KIRREL3: variants seen among roughly 807,000 people sequenced by gnomAD.
KIRREL3 encodes the protein kirre like nephrin family adhesion molecule 3, also known as kin of IRRE-like protein 3.
KIRREL3 carries 36 observed loss-of-function variants against 89.7 expected under a neutral mutation model. That is an observed-to-expected ratio of 0.40 (90% CI 0.31 to 0.53). The LOEUF (loss-of-function observed/expected upper bound fraction) is 0.53, where lower values mean the gene tolerates loss of function less well. Among genes scored for constraint, KIRREL3 ranks in the 20% least tolerant of loss-of-function variants. The probability of loss-of-function intolerance (pLI) is 0.49; values close to 1 mark genes in which losing one functional copy is unlikely to be tolerated. For synonymous variants in KIRREL3, 445 were observed against 441.4 expected (o/e 1.01, Z -0.10); for missense variants, 864 against 1,056.6 (o/e 0.82, Z 2.53).
At position 126,492,376 on chromosome 11, in the gene KIRREL3, C is replaced by A. The variant is rs1308764425; in HGVS notation, c.434-18910G>T. On this transcript the variant is annotated intron_variant, in intron 4 of 16. Transcript: ENST00000525144. This position sits in a 1 kb window ranked among gnomAD's most constrained non-coding sequence, Gnocchi z 4.8. ...ATGACCCTAAGGCAGGGGGATGGAC[C>A]TGGTGGCTCTGCAAAGCCCCTCTCA... Among the ~76,000 whole-genome samples, 1 of 152,144 alleles carries A rather than the reference C, an allele frequency of 6.6e-6. No homozygotes were observed. Among genetic ancestry groups the A allele is most frequent in the African/African-American group, 2.4e-5 (1 of 41,446 alleles).
rs1354942195 is a variant in KIRREL3, at chr11:126,996,595, C to T, written c.55+3860G>A. On this transcript the variant is annotated intron_variant, in intron 1 of 16. Transcript: ENST00000525144. This position sits in a 1 kb window ranked among gnomAD's most constrained non-coding sequence, Gnocchi z 4.7. ...GCTCCCTCTGTTCACTCTATTTTAC[C>T]CTTCTGTCTACGAGATGCCTTTCTA... Among the ~76,000 whole-genome samples the T allele has an allele frequency of 6.6e-6, 1 of 152,108 alleles. No homozygotes were observed. Among genetic ancestry groups the T allele is most frequent in the Non-Finnish European group, 1.5e-5 (1 of 68,034 alleles).
In KIRREL3 at chr11:126,844,913, G is replaced by A. The variant is rs1019959011; in HGVS notation, c.55+155542C>T. On this transcript the variant is annotated intron_variant, in intron 1 of 16. Coordinates refer to ENST00000525144, the MANE Select transcript of KIRREL3 (RefSeq NM_032531.4). This position sits in a 1 kb window ranked among gnomAD's most constrained non-coding sequence, Gnocchi z 4.8. ...GCAGCCACCTGAAATTGTCAGTGTTGTTGCAATGGTGGGTCTTACTCTGGC... is the reference window on the plus strand; with the variant it reads ...GCAGCCACCTGAAATTGTCAGTGTTATTGCAATGGTGGGTCTTACTCTGGC... Among the ~76,000 whole-genome samples the A allele has an allele frequency of 6.6e-6, 1 of 152,128 alleles. No homozygotes were observed. The highest frequency in any genetic ancestry group is 2.4e-5 in the African/African-American group (1 of 41,438).
Position 126,807,517 on chromosome 11 carries a change from A to G in KIRREL3, c.55+192938T>C, listed in dbSNP as rs1951240925. Among the ~76,000 whole-genome samples the G allele has an allele frequency of 6.6e-6, 1 of 152,180 alleles. No homozygotes were observed. The highest frequency in any genetic ancestry group is 3.2e-3 in the Middle Eastern group (1 of 316). The stretch of plus-strand genomic sequence containing the variant: ...ATATAAAAATATAAAAAGTCACCCC[A>G]AATCTCCCAGTGATATGTGCACCAC... On this transcript the variant is annotated intron_variant, in intron 1 of 16. Coordinates refer to ENST00000525144, the MANE Select transcript of KIRREL3 (RefSeq NM_032531.4). This position sits in a 1 kb window ranked among gnomAD's most constrained non-coding sequence, Gnocchi z 4.3.
In KIRREL3 at chr11:126,609,595, G is replaced by A. The variant is rs1049671205; in HGVS notation, c.56-46683C>T. On this transcript the variant is annotated intron_variant, in intron 1 of 16. Transcript: ENST00000525144. The surrounding 1 kb of genome is among the most constrained non-coding windows in gnomAD (Gnocchi z 5.0). ...TGCACTAAGCTCAGCTCCTTTCTGG[G>A]GGGACCTCCGATGCATGCTCACTTG... Among the ~76,000 whole-genome samples, 2 of 152,120 alleles carry A rather than the reference G, an allele frequency of 1.3e-5. No homozygotes were observed. The highest frequency in any genetic ancestry group is 2.9e-5 in the Non-Finnish European group (2 of 68,032).
At chr11:126,467,123 C>G (rs550944526) in intron 5 of KIRREL3, among the ~76,000 whole-genome samples, 6 of 152,350 alleles carry the variant, frequency 3.9e-5, no homozygotes, top group South Asian at 2.1e-4. Context: ...TGGGTATGTG[C>G]GCGTACCTGT....
chr11:126,448,984 G>T, intron 8 of KIRREL3, 25 bp downstream of exon 8: 1 of 1,579,920 alleles, frequency 6.3e-7, no homozygotes, highest in Non-Finnish European at 8.6e-7. Context: ...TGCTCGCCTG[G>T]GGAAGCCTGC....
chr11:126,878,190 A>C (rs1156822037), intron 1 of KIRREL3, among the ~76,000 whole-genome samples: 1 of 152,216 alleles, frequency 6.6e-6, no homozygotes. Context: ...TGAACATCCC[A>C]TAAGCACATC....
At chr11:126,914,987 C>G (rs1315768286) in intron 1 of KIRREL3, among the ~76,000 whole-genome samples, 1 of 152,192 alleles carries the variant, frequency 6.6e-6, no homozygotes, top group Non-Finnish European at 1.5e-5. Flanking sequence ...TGGACACCCC[C>G]CTAAGACTCT....
At chr11:126,887,427 T>C (rs1441111301) in intron 1 of KIRREL3, among the ~76,000 whole-genome samples, 2 of 152,090 alleles carry the variant, frequency 1.3e-5, no homozygotes, top group African/African-American at 4.8e-5. Context: ...CAAGGAGAAT[T>C]CTCCCCGCTG....
In KIRREL3 at chr11:126,668,733, CTT is replaced by C. The variant is rs1565634697; in HGVS notation, c.56-105823_56-105822del. Among the ~76,000 whole-genome samples, 3 of 107,212 alleles carry C rather than the reference CTT, an allele frequency of 2.8e-5. No individual in the cohort carries two copies. The highest frequency in any genetic ancestry group is 6.3e-5 in the Non-Finnish European group (3 of 47,478). The allele number at this position is 107,212 out of a possible 152,430, so 70.3% of individuals were successfully genotyped here. On this transcript the variant is annotated intron_variant, in intron 1 of 16. Transcript: ENST00000525144. This position sits in a 1 kb window ranked among gnomAD's most constrained non-coding sequence, Gnocchi z 4.4. ...TCTTTCTTTCTTTCTTTCTTTCTTT[CTT>C]TCTTTCTTTCTTTCTTTCTTTTTTC...
At chr11:126,701,291 A>AT (rs1472496940) in intron 1 of KIRREL3, among the ~76,000 whole-genome samples, 1 of 152,176 alleles carries the variant, frequency 6.6e-6, no homozygotes, top group Non-Finnish European at 1.5e-5. Flanking sequence ...TGGTCTTTGC[A>AT]TCCATCTCTT....
At chr11:126,849,275 C>T (rs1944255505) in intron 1 of KIRREL3, among the ~76,000 whole-genome samples, 1 of 41,650 alleles carries the variant, frequency 2.4e-5, no homozygotes, top group Admixed American at 2.9e-4. Flanking sequence ...AGGAAGTTAC[C>T]CTATACAGTC....
In KIRREL3 at chr11:126,496,408, C is replaced by T. The variant is rs1398398848; in HGVS notation, c.434-22942G>A. ...AGGCTAAGTGATTTGGACAAGGGTACACAGCTGAAAAATGAAAGGGCCAGT... is the reference window on the plus strand; with the variant it reads ...AGGCTAAGTGATTTGGACAAGGGTATACAGCTGAAAAATGAAAGGGCCAGT... On this transcript the variant is annotated intron_variant, in intron 4 of 16. Coordinates refer to ENST00000525144, the MANE Select transcript of KIRREL3 (RefSeq NM_032531.4). This position sits in a 1 kb window ranked among gnomAD's most constrained non-coding sequence, Gnocchi z 4.9. 6.6e-6 allele frequency among the ~76,000 whole-genome samples: 1 copy of T among 152,074 alleles called. No individual in the cohort carries two copies. The highest frequency in any genetic ancestry group is 1.5e-5 in the Non-Finnish European group (1 of 68,026).
At chr11:126,874,307 C>T (rs1349401392) in intron 1 of KIRREL3, among the ~76,000 whole-genome samples, 1 of 152,158 alleles carries the variant, frequency 6.6e-6, no homozygotes, top group African/African-American at 2.4e-5. Context: ...TATTTCAGCT[C>T]TCCAACCATG....
rs1412110678 is a variant in KIRREL3, at chr11:126,904,163, T to C, written c.55+96292A>G. On this transcript the variant is annotated intron_variant, in intron 1 of 16. Coordinates refer to ENST00000525144, the MANE Select transcript of KIRREL3 (RefSeq NM_032531.4). This position sits in a 1 kb window ranked among gnomAD's most constrained non-coding sequence, Gnocchi z 4.4. ...GCCTCACTCTAAGAGAACCATACCC[T>C]TTGAAGCCTCTTTTTAACACACAGG... Among the ~76,000 whole-genome samples, 2 of 152,212 alleles carry C rather than the reference T, an allele frequency of 1.3e-5. No homozygotes were observed. Among genetic ancestry groups the C allele is most frequent in the African/African-American group, 4.8e-5 (2 of 41,454 alleles).
At chr11:126,920,749 C>T (rs1947239145) in intron 1 of KIRREL3, among the ~76,000 whole-genome samples, 1 of 152,164 alleles carries the variant, frequency 6.6e-6, no homozygotes, top group Non-Finnish European at 1.5e-5. Context: ...CTCCATGGTC[C>T]ATCACTTCAA....
At position 126,876,984 on chromosome 11, in the gene KIRREL3, G is replaced by A. The variant is rs1304124790; in HGVS notation, c.55+123471C>T. 6.6e-6 allele frequency among the ~76,000 whole-genome samples: 1 copy of A among 152,162 alleles called. No homozygotes were observed. Among genetic ancestry groups the A allele is most frequent in the Non-Finnish European group, 1.5e-5 (1 of 68,030 alleles). ...AAAGAGTTATATTACTGGGCACCCAGGAAAAGGAACAACAGATAAGGAAGA... is the reference window on the plus strand; with the variant it reads ...AAAGAGTTATATTACTGGGCACCCAAGAAAAGGAACAACAGATAAGGAAGA... On this transcript the variant is annotated intron_variant, in intron 1 of 16. Coordinates refer to ENST00000525144, the MANE Select transcript of KIRREL3 (RefSeq NM_032531.4). This position sits in a 1 kb window ranked among gnomAD's most constrained non-coding sequence, Gnocchi z 4.1.
At chr11:126,674,341 G>A (rs369473904) in intron 1 of KIRREL3, among the ~76,000 whole-genome samples, 37 of 152,306 alleles carry the variant, frequency 2.4e-4, no homozygotes, top group African/African-American at 8.9e-4. Context: ...CACTTACTGA[G>A]CACCTGCTAT....
intron 1 of KIRREL3, chr11:126,945,006 C>T (rs146904907): frequency 6.6e-6 from 1 of 152,356 alleles, no homozygotes; most frequent in African/African-American, 2.4e-5. Flanking sequence ...TGCGCTTGCA[C>T]CTCTTTGCTG....
Sources: gnomAD v4.1 joint callset for allele counts (sites outside exome capture counted in the v4.1 genomes callset) on GRCh38, gnomAD v4.1.1 for gene constraint, Gnocchi (gnomAD v3.1) non-coding constraint, MANE v1.5 for transcripts, NCBI Gene and HGNC (gene_info 2026-07-23, HGNC 2026-07-21) for gene names.